The following ADAMTS17 variants were observed in gnomAD, a reference collection of about 807,000 sequenced individuals.
ADAMTS17 encodes A disintegrin and metalloproteinase with thrombospondin motifs 17.
In ADAMTS17, 113 loss-of-function variants were observed where a neutral mutation model predicts 141.5. That is an observed-to-expected ratio of 0.80 (90% CI 0.69 to 0.93). The LOEUF (loss-of-function observed/expected upper bound fraction) is 0.93, where lower values mean the gene tolerates loss of function less well. Among genes scored for constraint, ADAMTS17 ranks in the 40% least tolerant of loss-of-function variants. The probability of loss-of-function intolerance (pLI) is 0.00; values close to 1 mark genes in which losing one functional copy is unlikely to be tolerated. For missense variants in ADAMTS17, 1,659 were observed against 1,517.9 expected (o/e 1.09, Z -1.54); for synonymous variants, 768 against 630.6 (o/e 1.22, Z -3.27).
chr15:100,132,861 C>T (rs190627803), intron 11 of ADAMTS17, among the ~76,000 whole-genome samples: 1 of 152,224 alleles, frequency 6.6e-6, no homozygotes, highest in African/African-American at 2.4e-5. Context: ...TTGGATAATA[C>T]TGTTCTCACT....
chr15:100,151,101 T>C (rs535235675), intron 10 of ADAMTS17, among the ~76,000 whole-genome samples: 29 of 152,288 alleles, frequency 1.9e-4, no homozygotes, highest in South Asian at 1.0e-3. Context: ...CATCTCCCCA[T>C]GGAGGTGTCC....
chr15:100,174,794 C>G (rs373094584), intron 8 of ADAMTS17, among the ~76,000 whole-genome samples: 4 of 152,250 alleles, frequency 2.6e-5, no homozygotes, highest in South Asian at 4.1e-4. Flanking sequence ...AAGCAAGGCA[C>G]TGAAAGGATT....
intron 8 of ADAMTS17, among the ~76,000 whole-genome samples, chr15:100,192,914 T>C (rs894227318): frequency 6.6e-6 from 1 of 151,260 alleles, no homozygotes. Context: ...CCACTGCCCA[T>C]GGGCCACACT....
chr15:100,336,894 T>C (rs2046223196), intron 2 of ADAMTS17, among the ~76,000 whole-genome samples: 1 of 152,188 alleles, frequency 6.6e-6, no homozygotes, highest in Admixed American at 6.5e-5. Context: ...AGCTGCCTAC[T>C]CATCAGCTGG....
chr15:100,327,487 A>G (rs1187958545), intron 3 of ADAMTS17, among the ~76,000 whole-genome samples: 1 of 152,220 alleles, frequency 6.6e-6, no homozygotes, highest in Admixed American at 6.5e-5. Flanking sequence ...GCAAAGGCCA[A>G]GGGAAAATCA....
At chr15:100,181,030 A>G (rs1286676830) in intron 8 of ADAMTS17, among the ~76,000 whole-genome samples, 3 of 152,182 alleles carry the variant, frequency 2.0e-5, no homozygotes, top group Non-Finnish European at 4.4e-5. Flanking sequence ...CAAACTAGAG[A>G]CAAAGTCCTG....
At chr15:100,118,508 T>C (rs2037281153) in intron 12 of ADAMTS17, among the ~76,000 whole-genome samples, 2 of 152,242 alleles carry the variant, frequency 1.3e-5, no homozygotes, top group Admixed American at 1.3e-4. Flanking sequence ...AGGCAATGGC[T>C]AACCCTCTAG....
chr15:99,996,136 C>A (rs529906350), intron 19 of ADAMTS17, among the ~76,000 whole-genome samples: 1 of 151,534 alleles, frequency 6.6e-6, no homozygotes, highest in African/African-American at 2.4e-5. Flanking sequence ...CTCACTGCAA[C>A]CTCTACCTCC....
rs764783679 is a variant in ADAMTS17, at chr15:100,261,602, G to A, written c.908C>T (p.Ser303Phe). 9.9e-6 allele frequency: 16 copies of A among 1,613,994 alleles called. No individual in the cohort carries two copies. Among genetic ancestry groups the A allele is most frequent in the Non-Finnish European group, 1.3e-5 (15 of 1,179,980 alleles). ...CTGCCAGTGACAGAAGCTCTCCAGG[G>A]ACCGCTCACCATGGTGCCCAATGGA... ...KLSIGHHGERSLESFCHWQNE... is the reference protein window; with the variant it reads ...KLSIGHHGERFLESFCHWQNE... The change falls in exon 6 of 22, where the codon TCC becomes TTC. Residue 303 changes from serine to phenylalanine, a missense_variant. By Grantham distance (155) the Ser-to-Phe change is radical (BLOSUM62 -2). Coordinates refer to ENST00000268070, the MANE Select transcript of ADAMTS17 (RefSeq NM_139057.4).
intron 12 of ADAMTS17, among the ~76,000 whole-genome samples, chr15:100,125,273 T>C (rs2037671389): frequency 6.6e-6 from 1 of 152,250 alleles, no homozygotes; most frequent in African/African-American, 2.4e-5. Context: ...GGTGTCCAAG[T>C]AACACATGTA....
chr15:100,331,760 C>A (rs2046060523), intron 2 of ADAMTS17, among the ~76,000 whole-genome samples: 1 of 152,094 alleles, frequency 6.6e-6, no homozygotes, highest in African/African-American at 2.4e-5. Flanking sequence ...CCCTCTTCCA[C>A]CCTCACTTTT....
chr15:100,311,038 T>A (rs2045387284), intron 3 of ADAMTS17, among the ~76,000 whole-genome samples: 1 of 152,352 alleles, frequency 6.6e-6, no homozygotes, highest in Non-Finnish European at 1.5e-5. Context: ...GAAATTCATG[T>A]ACTGAGAAGG....
At chr15:100,203,050 C>T (rs565030831) in intron 7 of ADAMTS17, among the ~76,000 whole-genome samples, 39 of 152,322 alleles carry the variant, frequency 2.6e-4, no homozygotes, top group Admixed American at 1.1e-3. Context: ...AGAAAGGCAA[C>T]TGGAATTTAT....
intron 21 of ADAMTS17, 32 bp from the exon 22 acceptor site, chr15:99,974,594 C>A: frequency 6.2e-7 from 1 of 1,613,992 alleles, no homozygotes; most frequent in Non-Finnish European, 8.5e-7. Context: ...TACCCAGGGT[C>A]AGGGATGGCC....
In ADAMTS17 at chr15:100,323,635, AAAAT is replaced by A. The variant is rs143743385; in HGVS notation, c.616+7250_616+7253del. On this transcript the variant is annotated intron_variant, in intron 3 of 21. Transcript: ENST00000268070. ...CATTTAAAAAAGGAATAAAGGAAAA[AAAAT>A]AAAGATACAAATAGAAATTCAAAAA... 1.7e-3 allele frequency among the ~76,000 whole-genome samples: 254 copies of A among 152,324 alleles called. 5 individuals carry two copies. In the East Asian group the frequency reaches 0.044, roughly 26 times the overall value.
chr15:100,050,064 T>G (rs1388935843), intron 17 of ADAMTS17, among the ~76,000 whole-genome samples: 1 of 152,184 alleles, frequency 6.6e-6, no homozygotes, highest in Non-Finnish European at 1.5e-5. Context: ...CAATTTGTCA[T>G]GTAGGGATGA....
Position 99,993,012 on chromosome 15 carries a change from G to A in ADAMTS17, c.2949+36C>T. On this transcript the variant is annotated intron_variant, in intron 20 of 21. Transcript: ENST00000268070. This position sits in a 1 kb window ranked among gnomAD's most constrained non-coding sequence, Gnocchi z 4.3. ...TCCCGACCCTCGAGCCCCCTGCACT[G>A]CGGCACGGAGAGAAATGCCAGCAGG... 6.2e-7 allele frequency: 1 copy of A among 1,613,556 alleles called. No homozygotes were observed. Among genetic ancestry groups the A allele is most frequent in the Non-Finnish European group, 8.5e-7 (1 of 1,179,954 alleles).
chr15:100,028,288 C>T (rs1314651965), intron 18 of ADAMTS17, among the ~76,000 whole-genome samples: 1 of 152,232 alleles, frequency 6.6e-6, no homozygotes, highest in Non-Finnish European at 1.5e-5. Flanking sequence ...AATCATCCCT[C>T]ATCCTCTAGT....
At chr15:100,178,206 T>C (rs2040405009) in intron 8 of ADAMTS17, among the ~76,000 whole-genome samples, 1 of 152,188 alleles carries the variant, frequency 6.6e-6, no homozygotes, top group South Asian at 2.1e-4. Flanking sequence ...TGTGCCATTT[T>C]ATTATTTGTT....
Sources: allele counts gnomAD v4.1 joint callset (sites outside exome capture counted in the v4.1 genomes callset), GRCh38; gene constraint gnomAD v4.1.1; non-coding constraint Gnocchi (gnomAD v3.1); transcripts MANE v1.5; gene names NCBI Gene and HGNC (gene_info 2026-07-23, HGNC 2026-07-21).